The following GAP43 variants were observed in gnomAD, a reference collection of about 807,000 sequenced individuals.
The protein encoded by GAP43 is neuromodulin.
Under a neutral mutation model 18.6 loss-of-function variants are expected in GAP43, and 6 were observed. That is an observed-to-expected ratio of 0.32 (90% CI 0.18 to 0.64). The LOEUF (loss-of-function observed/expected upper bound fraction) is 0.64, where lower values mean the gene tolerates loss of function less well. Among genes scored for constraint, GAP43 ranks in the 30% least tolerant of loss-of-function variants. The pLI is 0.78. For synonymous variants in GAP43, 115 were observed against 111.4 expected (o/e 1.03, Z -0.20); for missense variants, 292 against 295.5 (o/e 0.99, Z 0.09).
chr3:115,666,541 C>T (rs188051892), intron 1 of GAP43, among the ~76,000 whole-genome samples: 6 of 152,258 alleles, frequency 3.9e-5, no homozygotes, highest in African/African-American at 1.4e-4. Context: ...GCAGCCACCC[C>T]TTTCTGAGTA....
At chr3:115,665,706 G>T (rs1295917944) in intron 1 of GAP43, among the ~76,000 whole-genome samples, 2 of 151,982 alleles carry the variant, frequency 1.3e-5, no homozygotes, top group African/African-American at 4.8e-5. Context: ...TAGATATGAG[G>T]TATATAATAT....
chr3:115,681,550 T>C (rs563499965), intron 2 of GAP43, among the ~76,000 whole-genome samples: 1 of 152,276 alleles, frequency 6.6e-6, no homozygotes, highest in East Asian at 1.9e-4. Flanking sequence ...GAGACCAGGG[T>C]TCTAGTCTCA....
At chr3:115,633,367 C>A (rs1227688692) in intron 1 of GAP43, among the ~76,000 whole-genome samples, 1 of 152,044 alleles carries the variant, frequency 6.6e-6, no homozygotes, top group Non-Finnish European at 1.5e-5. Context: ...AGGTTAGAGA[C>A]AATTTTGGTA....
At chr3:115,708,000 C>CATATAT (rs752130662) in intron 2 of GAP43, among the ~76,000 whole-genome samples, 1 of 151,496 alleles carries the variant, frequency 6.6e-6, no homozygotes, top group African/African-American at 2.4e-5. Context: ...TACACACACA[C>CATATAT]ACACACACAC....
At chr3:115,718,005 G>C (rs540960119) in intron 2 of GAP43, among the ~76,000 whole-genome samples, 1 of 152,254 alleles carries the variant, frequency 6.6e-6, no homozygotes, top group African/African-American at 2.4e-5. Context: ...TCAAGTTTCT[G>C]TTTCTGCATT....
chr3:115,692,760 G>C (rs1709130137), intron 2 of GAP43, among the ~76,000 whole-genome samples: 1 of 152,094 alleles, frequency 6.6e-6, no homozygotes, highest in South Asian at 2.1e-4. Flanking sequence ...TATTATTTTT[G>C]CTCCCAGAAT....
intron 1 of GAP43, among the ~76,000 whole-genome samples, chr3:115,645,148 G>A (rs1286843992): frequency 6.6e-6 from 1 of 151,916 alleles, no homozygotes; most frequent in East Asian, 1.9e-4. Flanking sequence ...TATTCATTAG[G>A]AAATCTTTAT....
intron 2 of GAP43, among the ~76,000 whole-genome samples, chr3:115,688,626 A>G (rs1184688266): frequency 4.6e-5 from 7 of 152,290 alleles, no homozygotes; most frequent in East Asian, 3.9e-4. Flanking sequence ...ACGTGCCCCA[A>G]AAGGAAACAT....
chr3:115,711,695 C>T (rs1709441002), intron 2 of GAP43, among the ~76,000 whole-genome samples: 1 of 152,164 alleles, frequency 6.6e-6, no homozygotes, highest in Non-Finnish European at 1.5e-5. Flanking sequence ...TCTACCTCTT[C>T]CCTCCAACCC....
At chr3:115,713,425 T>C (rs993129891) in intron 2 of GAP43, among the ~76,000 whole-genome samples, 4 of 152,142 alleles carry the variant, frequency 2.6e-5, no homozygotes, top group Admixed American at 1.3e-4. Flanking sequence ...AATGTAGGGC[T>C]GTGGAAGGGC....
intron 2 of GAP43, among the ~76,000 whole-genome samples, chr3:115,697,077 G>A (rs560742307): frequency 2.3e-4 from 35 of 152,008 alleles, no homozygotes; most frequent in African/African-American, 7.5e-4. Flanking sequence ...GACCTCAAGT[G>A]ATCCACCCAC....
chr3:115,675,992 T>C, intron 1 of GAP43, 21 bp from the exon 2 acceptor site: 1 of 1,577,320 alleles, frequency 6.3e-7, no homozygotes, highest in Non-Finnish European at 8.6e-7. Flanking sequence ...CCCTCTCTTT[T>C]CCCTTCTTTT....
intron 2 of GAP43, among the ~76,000 whole-genome samples, chr3:115,688,103 G>T (rs569827729): frequency 6.6e-6 from 1 of 151,936 alleles, no homozygotes. Context: ...CGCAACCTCC[G>T]CCTCCCGGGT....
At chr3:115,629,916 G>GTTATTCAC (rs1215157134) in intron 1 of GAP43, among the ~76,000 whole-genome samples, 31 of 152,150 alleles carry the variant, frequency 2.0e-4, no homozygotes, top group African/African-American at 7.5e-4. Flanking sequence ...AGTGATTCTT[G>GTTATTCAC]TTATTCACTT....
At chr3:115,709,195 G>T (rs1709404008) in intron 2 of GAP43, among the ~76,000 whole-genome samples, 2 of 152,084 alleles carry the variant, frequency 1.3e-5, no homozygotes, top group Admixed American at 6.6e-5. Flanking sequence ...TTAAGTCAGA[G>T]TCCACAAATT....
chr3:115,680,340 C>T (rs929806669), intron 2 of GAP43, among the ~76,000 whole-genome samples: 5 of 152,082 alleles, frequency 3.3e-5, no homozygotes, highest in African/African-American at 1.2e-4. Context: ...CCTGAGGTCC[C>T]AGCCACTCTG....
intron 1 of GAP43, among the ~76,000 whole-genome samples, chr3:115,624,450 T>A (rs926542839): frequency 1.3e-5 from 2 of 152,034 alleles, no homozygotes; most frequent in Non-Finnish European, 2.9e-5. Context: ...GGAGCTCCGA[T>A]GGGATGGGAA....
intron 2 of GAP43, among the ~76,000 whole-genome samples, chr3:115,689,972 T>C (rs971547763): frequency 2.0e-5 from 3 of 152,246 alleles, no homozygotes; most frequent in Non-Finnish European, 4.4e-5. Flanking sequence ...AGGCACTGAC[T>C]GAGCTGAGTA....
intron 1 of GAP43, among the ~76,000 whole-genome samples, chr3:115,648,732 G>A (rs1251959806): frequency 6.6e-6 from 1 of 152,060 alleles, no homozygotes; most frequent in Non-Finnish European, 1.5e-5. Flanking sequence ...AAAGAGCTAA[G>A]AGAAGGGCTT....
Sources: allele counts gnomAD v4.1 joint callset (sites outside exome capture counted in the v4.1 genomes callset), GRCh38; gene constraint gnomAD v4.1.1; transcripts MANE v1.5; gene names NCBI Gene and HGNC (gene_info 2026-07-23, HGNC 2026-07-21).